CSMD1: variants seen among roughly 807,000 people sequenced by gnomAD.
The protein encoded by CSMD1 is CUB and Sushi multiple domains 1.
A neutral mutation model predicts 417.5 loss-of-function variants in CSMD1; 213 were observed. The observed-to-expected ratio is 0.51, with a 90% CI of 0.46 to 0.57. CSMD1 has a LOEUF of 0.57. Among genes scored for constraint, CSMD1 ranks in the 20% least tolerant of loss-of-function variants. The pLI is 0.00. For missense variants in CSMD1, 6,923 were observed against 4,529.7 expected (o/e 1.53, Z -15.17); for synonymous variants, 2,862 against 1,736.8 (o/e 1.65, Z -16.11).
intron 23 of CSMD1, among the ~76,000 whole-genome samples, chr8:3,321,806 C>T (rs780307927): frequency 6.6e-6 from 1 of 152,256 alleles, no homozygotes; most frequent in Non-Finnish European, 1.5e-5. Flanking sequence ...AGCTGATTTT[C>T]AAAATCGTGA....
chr8:4,121,257 G>A (rs1303552121), intron 3 of CSMD1, among the ~76,000 whole-genome samples: 1 of 152,056 alleles, frequency 6.6e-6, no homozygotes, highest in African/African-American at 2.4e-5. Context: ...TGGGATTACA[G>A]GCACCTGACA....
chr8:4,020,523 T>C (rs1173314382), intron 4 of CSMD1, among the ~76,000 whole-genome samples: 1 of 152,172 alleles, frequency 6.6e-6, no homozygotes. Flanking sequence ...GCTTTCTGGA[T>C]GGGTGAACAT....
intron 2 of CSMD1, among the ~76,000 whole-genome samples, chr8:4,543,086 C>T (rs1024879381): frequency 1.3e-5 from 2 of 152,074 alleles, no homozygotes; most frequent in Admixed American, 6.6e-5. Context: ...CATAGTTTTC[C>T]CTATTATCAA....
chr8:3,816,846 G>C (rs1585040575), intron 5 of CSMD1, among the ~76,000 whole-genome samples: 4 of 151,978 alleles, frequency 2.6e-5, no homozygotes, highest in South Asian at 4.1e-4. Flanking sequence ...CTAGGGGTTT[G>C]GAACATATTT....
chr8:4,535,634 T>A (rs1437721932), intron 2 of CSMD1, among the ~76,000 whole-genome samples: 1 of 152,178 alleles, frequency 6.6e-6, no homozygotes, highest in African/African-American at 2.4e-5. Context: ...TTCCAAATCA[T>A]TCTGTTCATG....
At chr8:4,966,116 C>A (rs1373588393) in intron 1 of CSMD1, among the ~76,000 whole-genome samples, 7 of 150,374 alleles carry the variant, frequency 4.7e-5, no homozygotes, top group Non-Finnish European at 1.5e-5. Context: ...GTAATCCCCG[C>A]ACTTTGGGAG....
At chr8:3,034,700 T>C (rs1386997204) in intron 50 of CSMD1, among the ~76,000 whole-genome samples, 1 of 152,208 alleles carries the variant, frequency 6.6e-6, no homozygotes, top group Admixed American at 6.5e-5. Context: ...TCTTACTTTG[T>C]TATTTCTTCC....
chr8:3,178,452 C>G (rs115263451), intron 37 of CSMD1, among the ~76,000 whole-genome samples: 1,972 of 152,048 alleles, frequency 0.013, 46 homozygotes, highest in African/African-American at 0.045. Context: ...GTTTGTAAAA[C>G]AGCCATCTAT....
intron 1 of CSMD1, among the ~76,000 whole-genome samples, chr8:4,852,468 C>A (rs1227987234): frequency 6.6e-6 from 1 of 152,096 alleles, no homozygotes; most frequent in Non-Finnish European, 1.5e-5. Flanking sequence ...TTGATGAGGC[C>A]TCACCAGTTG....
At position 4,936,365 on chromosome 8, in the gene CSMD1, T is replaced by A. The variant is rs144068477; in HGVS notation, c.85+57967A>T. ...AAATAGTAAATCGGCCTGGTTAAGG[T>A]TTTTAGAGTGGGCAGCAGTATAATT... On this transcript the variant is annotated intron_variant, in intron 1 of 69. Coordinates refer to ENST00000635120, the MANE Select transcript of CSMD1 (RefSeq NM_033225.6). Among the ~76,000 whole-genome samples the A allele has an allele frequency of 7.2e-5, 11 of 152,186 alleles. No homozygotes were observed. In the East Asian group the frequency reaches 1.9e-3, roughly 27 times the overall value.
At chr8:4,295,370 GTA>G (rs1445870875) in intron 3 of CSMD1, among the ~76,000 whole-genome samples, 1 of 141,206 alleles carries the variant, frequency 7.1e-6, no homozygotes, top group Non-Finnish European at 1.5e-5. Context: ...GATTATATAT[GTA>G]TCTTATTATA....
intron 17 of CSMD1, among the ~76,000 whole-genome samples, chr8:3,395,092 G>A (rs1811605873): frequency 1.3e-5 from 2 of 152,076 alleles, no homozygotes; most frequent in African/African-American, 4.8e-5. Flanking sequence ...GGTGATGTGG[G>A]GAATGGAAGG....
chr8:3,083,978 C>T (rs570753494), intron 49 of CSMD1, among the ~76,000 whole-genome samples: 1 of 152,014 alleles, frequency 6.6e-6, no homozygotes, highest in Non-Finnish European at 1.5e-5. Flanking sequence ...TTCTATTTTT[C>T]GTTATTACAC....
intron 5 of CSMD1, among the ~76,000 whole-genome samples, chr8:3,860,975 A>G (rs142150674): frequency 2.6e-5 from 4 of 152,328 alleles, no homozygotes; most frequent in African/African-American, 4.8e-5. Flanking sequence ...TGAAATGACA[A>G]ATGAAAGACA....
chr8:4,148,084 T>G (rs999489317), intron 3 of CSMD1, among the ~76,000 whole-genome samples: 2 of 152,022 alleles, frequency 1.3e-5, no homozygotes, highest in East Asian at 3.9e-4. Flanking sequence ...ACTTTTCTCT[T>G]GAAAAACATA....
chr8:3,275,557 C>A (rs919722006), intron 26 of CSMD1, among the ~76,000 whole-genome samples: 7 of 152,210 alleles, frequency 4.6e-5, no homozygotes, highest in Non-Finnish European at 7.3e-5. Context: ...CTGTCTCTTT[C>A]AGGTACGACA....
chr8:4,697,764 G>A (rs553830627), intron 1 of CSMD1, among the ~76,000 whole-genome samples: 4 of 152,170 alleles, frequency 2.6e-5, no homozygotes, highest in African/African-American at 7.2e-5. Flanking sequence ...TTACTCATTT[G>A]GCATTACAAA....
intron 3 of CSMD1, among the ~76,000 whole-genome samples, chr8:4,173,547 G>T (rs1309521900): frequency 2.0e-5 from 3 of 152,096 alleles, no homozygotes; most frequent in Non-Finnish European, 4.4e-5. Flanking sequence ...TACAAGAAAG[G>T]AGAAAGATAA....
intron 50 of CSMD1, among the ~76,000 whole-genome samples, chr8:3,046,387 G>C (rs577320717): frequency 1.3e-5 from 2 of 152,174 alleles, no homozygotes; most frequent in African/African-American, 4.8e-5. Flanking sequence ...CCACCCTACA[G>C]TGTGTAGCTG....
Sources: allele counts gnomAD v4.1 joint callset (sites outside exome capture counted in the v4.1 genomes callset), GRCh38; gene constraint gnomAD v4.1.1; transcripts MANE v1.5; gene names NCBI Gene and HGNC (gene_info 2026-07-23, HGNC 2026-07-21).